The following JAKMIP2 variants were observed in gnomAD, a reference collection of about 807,000 sequenced individuals.
The protein encoded by JAKMIP2 is janus kinase and microtubule-interacting protein 2.
JAKMIP2 carries 25 observed loss-of-function variants against 115.0 expected under a neutral mutation model. That is an observed-to-expected ratio of 0.22 (90% CI 0.16 to 0.30). JAKMIP2 has a LOEUF of 0.30. JAKMIP2 is among the 10% of genes least tolerant of loss of function. The pLI, the probability that JAKMIP2 is intolerant of heterozygous loss-of-function variation, is 1.00. For synonymous variants in JAKMIP2, 334 were observed against 343.6 expected (o/e 0.97, Z 0.31); for missense variants, 642 against 957.6 (o/e 0.67, Z 4.35).
At position 147,660,383 on chromosome 5, in the gene JAKMIP2, C is replaced by T. The variant is rs187695417; in HGVS notation, c.627+565G>A. 4 of 429,448 alleles carry T rather than the reference C, an allele frequency of 9.3e-6. No homozygotes were observed. The Admixed American group carries it at 1.0e-4, about 11-fold the overall frequency. The allele number at this position is 429,448 out of a possible 1,614,324, so 26.6% of individuals were successfully genotyped here. A position where few individuals can be genotyped will look rare whatever the true frequency, so the allele number is the denominator to read the frequency against. ...TAATGGCTCCTGTTTTAAATGACTC[C>T]TGTATACTTTGGGAAAAATATCTAT... On this transcript the variant is annotated intron_variant, in intron 3 of 21. Transcript: ENST00000616793.
chr5:147,674,471 A>G (rs927355245), intron 1 of JAKMIP2, among the ~76,000 whole-genome samples: 1 of 152,158 alleles, frequency 6.6e-6, no homozygotes, highest in African/African-American at 2.4e-5. Context: ...TGAAGCCACA[A>G]ATTTGCCTGG....
chr5:147,775,221 T>C (rs1248634757), intron 1 of JAKMIP2, among the ~76,000 whole-genome samples: 1 of 152,174 alleles, frequency 6.6e-6, no homozygotes, highest in East Asian at 1.9e-4. Flanking sequence ...TCTTTTTATA[T>C]TTGATTTCAA....
chr5:147,609,581 G>A (rs995982349), intron 20 of JAKMIP2, among the ~76,000 whole-genome samples: 2 of 152,096 alleles, frequency 1.3e-5, no homozygotes, highest in African/African-American at 2.4e-5. Flanking sequence ...TGGGTAACCC[G>A]CCCTTTCTCT....
chr5:147,759,257 AAGG>A (rs1212513856), intron 1 of JAKMIP2, among the ~76,000 whole-genome samples: 1 of 152,060 alleles, frequency 6.6e-6, no homozygotes, highest in Non-Finnish European at 1.5e-5. Flanking sequence ...GAAAAAGAGA[AAGG>A]AGAAGGGGAG....
intron 1 of JAKMIP2, among the ~76,000 whole-genome samples, chr5:147,744,738 G>A (rs1394953911): frequency 6.6e-6 from 1 of 152,132 alleles, no homozygotes; most frequent in African/African-American, 2.4e-5. Context: ...ATCTCTGTGA[G>A]TGTACCCAGA....
At chr5:147,729,495 C>T (rs776593788) in intron 1 of JAKMIP2, among the ~76,000 whole-genome samples, 8 of 151,920 alleles carry the variant, frequency 5.3e-5, no homozygotes, top group Non-Finnish European at 7.4e-5. Flanking sequence ...TTGTTCTGGC[C>T]AGGAGCTGTG....
At chr5:147,692,301 C>T (rs558135992) in intron 1 of JAKMIP2, among the ~76,000 whole-genome samples, 1 of 152,298 alleles carries the variant, frequency 6.6e-6, no homozygotes, top group South Asian at 2.1e-4. Context: ...ACGGAATAGT[C>T]TTCTTAGAGC....
chr5:147,667,315 G>A (rs1561526022), intron 2 of JAKMIP2, among the ~76,000 whole-genome samples: 1 of 152,114 alleles, frequency 6.6e-6, no homozygotes. Flanking sequence ...CACTATGACA[G>A]GGAAAAAAGA....
At chr5:147,661,820 G>A (rs781218180) in intron 2 of JAKMIP2, 6 of 198,558 alleles carry the variant, frequency 3.0e-5, no homozygotes, top group Non-Finnish European at 6.1e-5. Context: ...CCATGTGATT[G>A]GTATACGCCT....
intron 21 of JAKMIP2, among the ~76,000 whole-genome samples, chr5:147,598,414 G>A (rs909533870): frequency 3.8e-5 from 4 of 104,640 alleles, no homozygotes; most frequent in South Asian, 3.3e-4. Context: ...TAATAAAGCC[G>A]CTCTCATTTT....
At chr5:147,617,710 A>C (rs1362065363) in intron 19 of JAKMIP2, among the ~76,000 whole-genome samples, 3 of 152,216 alleles carry the variant, frequency 2.0e-5, no homozygotes, top group Non-Finnish European at 1.5e-5. Context: ...CTGAAATGCC[A>C]ATTTTCTCAA....
At chr5:147,686,540 G>A (rs191212349) in intron 1 of JAKMIP2, among the ~76,000 whole-genome samples, 2 of 152,064 alleles carry the variant, frequency 1.3e-5, no homozygotes, top group Admixed American at 6.6e-5. Context: ...CACTGTATCC[G>A]CAGTGCTTAG....
rs75873190 is a variant in JAKMIP2, at chr5:147,627,678, T to A, written c.1995+1073A>T. ...ATCTCTAACAGATAAAGCCTTTCTG[T>A]AAAAAAAAAAAAAAAAAAAAAAAAA... is the stretch of plus-strand genomic sequence containing the variant. On this transcript the variant is annotated intron_variant, in intron 16 of 21. Coordinates refer to ENST00000616793, the MANE Select transcript of JAKMIP2 (RefSeq NM_001270941.2). Among the ~76,000 whole-genome samples the A allele has an allele frequency of 4.0e-4, 28 of 70,324 alleles. No homozygotes were observed. In the East Asian group the frequency reaches 5.0e-3, roughly 13 times the overall value. 46.1% of individuals were successfully genotyped at this position (70,324 alleles called of 152,430 possible).
intron 1 of JAKMIP2, among the ~76,000 whole-genome samples, chr5:147,702,652 G>GAA (rs1212586942): frequency 9.3e-5 from 11 of 118,632 alleles, no homozygotes; most frequent in Non-Finnish European, 1.8e-4. Context: ...AAGAAAGAAA[G>GAA]AAAGAAAGAA....
chr5:147,698,709 T>C (rs1752205333), intron 1 of JAKMIP2, among the ~76,000 whole-genome samples: 1 of 152,206 alleles, frequency 6.6e-6, no homozygotes, highest in South Asian at 2.1e-4. Context: ...TTGCTTCCCC[T>C]TCTGCCATGA....
intron 1 of JAKMIP2, among the ~76,000 whole-genome samples, chr5:147,735,284 G>C (rs1029077695): frequency 6.6e-6 from 1 of 152,118 alleles, no homozygotes; most frequent in Non-Finnish European, 1.5e-5. Context: ...ATGGTAAAGC[G>C]CTCTTCAAAT....
intron 8 of JAKMIP2, 59 bp from the exon 9 acceptor site, chr5:147,640,882 T>C (rs1581338856): frequency 6.7e-7 from 1 of 1,500,442 alleles, no homozygotes; most frequent in African/African-American, 1.4e-5. Flanking sequence ...AAGTTGAACG[T>C]TAAAATACTG....
chr5:147,596,064 T>C (rs1230586404), intron 21 of JAKMIP2, among the ~76,000 whole-genome samples: 1 of 152,214 alleles, frequency 6.6e-6, no homozygotes, highest in Admixed American at 6.5e-5. Flanking sequence ...CCAAGTCAGC[T>C]TGGGCAAACC....
chr5:147,725,577 T>C (rs925777696), intron 1 of JAKMIP2, among the ~76,000 whole-genome samples: 14 of 152,206 alleles, frequency 9.2e-5, no homozygotes, highest in African/African-American at 2.9e-4. Context: ...TTGGCTGACT[T>C]TGGGTAAGTG....
Sources: allele counts gnomAD v4.1 joint callset (sites outside exome capture counted in the v4.1 genomes callset), GRCh38; gene constraint gnomAD v4.1.1; transcripts MANE v1.5; gene names NCBI Gene and HGNC (gene_info 2026-07-23, HGNC 2026-07-21).